SIN3A: variants seen among roughly 807,000 people sequenced by gnomAD.
The protein encoded by SIN3A is SIN3 transcription regulator family member A.
A neutral mutation model predicts 146.1 loss-of-function variants in SIN3A; 14 were observed. The ratio of observed to expected loss-of-function variants is 0.10; its 90% CI spans 0.06 to 0.15. The LOEUF is 0.15. SIN3A is among the 10% of genes least tolerant of loss of function. SIN3A has a pLI of 1.00. For missense variants in SIN3A, 1,028 were observed against 1,576.0 expected, an observed-to-expected ratio of 0.65 and a Z score of 5.89; for synonymous variants, 572 against 572.0, an observed-to-expected ratio of 1.00 and a Z score of 0.00.
intron 3 of SIN3A, among the ~76,000 whole-genome samples, chr15:75,418,786 G>C (rs1316377446): frequency 6.7e-6 from 1 of 150,146 alleles, no homozygotes; most frequent in Non-Finnish European, 1.5e-5. Flanking sequence ...ACAGAGTCTC[G>C]CTCTATCGCC....
intron 10 of SIN3A, among the ~76,000 whole-genome samples, chr15:75,401,632 C>A (rs140948689): frequency 1.3e-5 from 2 of 152,270 alleles, no homozygotes; most frequent in African/African-American, 2.4e-5. Context: ...GATCAGGAGA[C>A]CACTAGTCTT....
At chr15:75,380,756 G>T (rs781163326) in intron 18 of SIN3A, 33 bp from the exon 19 acceptor site, 1 of 1,523,306 alleles carries the variant, frequency 6.6e-7, no homozygotes, top group Non-Finnish European at 9.1e-7. Flanking sequence ...CAGGTGGAAG[G>T]AAATCACAAA....
intron 1 of SIN3A, among the ~76,000 whole-genome samples, chr15:75,441,032 G>A (rs2141610458): frequency 6.6e-6 from 1 of 151,686 alleles, no homozygotes; most frequent in East Asian, 1.9e-4. Context: ...GGTTGGCCAG[G>A]TGCAGTGGCT....
At chr15:75,379,819 T>C (rs990067341) in intron 19 of SIN3A, among the ~76,000 whole-genome samples, 40 of 152,248 alleles carry the variant, frequency 2.6e-4, no homozygotes, top group Admixed American at 2.0e-3. Context: ...AGTATCACAA[T>C]CTGCCTATAC....
chr15:75,393,212 GA>G (rs1375389766), intron 14 of SIN3A, among the ~76,000 whole-genome samples: 1 of 152,180 alleles, frequency 6.6e-6, no homozygotes, highest in Non-Finnish European at 1.5e-5. Context: ...CTGGGCAACA[GA>G]GTGAGACTCT....
At chr15:75,403,737 G>A (rs1694089755) in intron 9 of SIN3A, among the ~76,000 whole-genome samples, 1 of 151,868 alleles carries the variant, frequency 6.6e-6, no homozygotes, top group Non-Finnish European at 1.5e-5. Context: ...GTAGAGACGG[G>A]GTTTCACCAT....
intron 2 of SIN3A, among the ~76,000 whole-genome samples, chr15:75,426,978 T>C (rs997488916): frequency 1.3e-5 from 2 of 151,966 alleles, no homozygotes; most frequent in Admixed American, 1.3e-4. Flanking sequence ...ATAGATGAGC[T>C]TGTATATGCA....
At chr15:75,441,036 A>G (rs1266147525) in intron 1 of SIN3A, among the ~76,000 whole-genome samples, 1 of 151,364 alleles carries the variant, frequency 6.6e-6, no homozygotes, top group Non-Finnish European at 1.5e-5. Flanking sequence ...GGCCAGGTGC[A>G]GTGGCTCACG....
intron 1 of SIN3A, among the ~76,000 whole-genome samples, chr15:75,445,759 G>GAAAAAAAAAAAA (rs774883850): frequency 5.8e-5 from 5 of 86,354 alleles, no homozygotes; most frequent in East Asian, 3.4e-4. Context: ...TCAAAAAAAA[G>GAAAAAAAAAAAA]AAAAAAAAAA....
At chr15:75,446,135 G>A (rs560074489) in intron 1 of SIN3A, 1 of 152,212 alleles carries the variant, frequency 6.6e-6, no homozygotes, top group Non-Finnish European at 1.5e-5. Context: ...AATAGACAAA[G>A]TATAATATTT....
At chr15:75,438,362 G>A (rs755558224) in intron 1 of SIN3A, among the ~76,000 whole-genome samples, 3 of 138,800 alleles carry the variant, frequency 2.2e-5, no homozygotes, top group Admixed American at 7.2e-5. Flanking sequence ...AAGGCTCTCC[G>A]TCTCAAAAAA....
rs542955316 is a variant in SIN3A, at chr15:75,423,583, C to A, written c.190-760G>T. The stretch of plus-strand genomic sequence containing the variant: ...GTCCCAGCTACTCGGGAGGCTGAGG[C>A]AGGAGAATAGCGTGAACCCAGGAGG... On this transcript the variant is annotated intron_variant, in intron 2 of 20. Transcript: ENST00000394947. 1.9e-4 allele frequency among the ~76,000 whole-genome samples: 29 copies of A among 152,216 alleles called. 1 individual carries two copies. The South Asian group carries it at 5.8e-3, about 30-fold the overall frequency.
In SIN3A at chr15:75,400,847, C is replaced by A. The variant is rs1190617452; in HGVS notation, c.1620G>T (p.Glu540Asp). 6.2e-7 allele frequency: 1 copy of A among 1,614,184 alleles called. No individual in the cohort carries two copies. Among genetic ancestry groups the A allele is most frequent in the South Asian group, 1.1e-5 (1 of 91,086 alleles). The change falls in exon 11 of 21, where the codon GAG (glutamate) becomes GAT (aspartate). Residue 540 changes from glutamate (E) to aspartate (D), a missense_variant. Physicochemically the swap from Glu to Asp is conservative, Grantham distance 45 (BLOSUM62 2). Transcript: ENST00000394947. ...LETYPKERAT[E>D]GIAMEIDYAS... ...CATAATCTATCTCCATAGCAATGCC[C>A]TCTGTGGCTCGCTCCTTTGGATAAG...
intron 2 of SIN3A, 122 bp from the exon 3 acceptor site, chr15:75,422,945 G>A (rs752037037): frequency 4.1e-6 from 4 of 967,342 alleles, no homozygotes; most frequent in African/African-American, 3.3e-5. Context: ...TCTGCTGGGC[G>A]TGATGGCTCA....
chr15:75,442,141 A>C (rs1339021290), intron 1 of SIN3A, among the ~76,000 whole-genome samples: 7 of 149,072 alleles, frequency 4.7e-5, no homozygotes, highest in Non-Finnish European at 7.4e-5. Context: ...AAAAAAAAAA[A>C]AAAAAAAAAA....
intron 19 of SIN3A, 98 bp downstream of exon 19, chr15:75,380,531 A>G: frequency 2.2e-6 from 2 of 910,418 alleles, no homozygotes; most frequent in Non-Finnish European, 3.6e-6. Context: ...GAACAAATGA[A>G]TAAAATATGT....
intron 12 of SIN3A, among the ~76,000 whole-genome samples, chr15:75,398,315 T>C (rs921463613): frequency 3.3e-5 from 5 of 152,240 alleles, no homozygotes; most frequent in African/African-American, 7.2e-5. Context: ...TCTCCTGATA[T>C]AGGTGGTATG....
At chr15:75,410,366 G>T (rs1173216408) in intron 6 of SIN3A, 80 bp from the exon 7 acceptor site, 4 of 1,384,220 alleles carry the variant, frequency 2.9e-6, no homozygotes, top group Non-Finnish European at 4.0e-6. Flanking sequence ...TGGAATCACT[G>T]TTATCTATTT....
intron 2 of SIN3A, among the ~76,000 whole-genome samples, chr15:75,424,752 C>T (rs538406356): frequency 3.9e-5 from 6 of 152,172 alleles, no homozygotes; most frequent in Admixed American, 1.3e-4. Context: ...GGGTTATAGA[C>T]GTAAGCCACT....
Sources: allele counts gnomAD v4.1 joint callset (sites outside exome capture counted in the v4.1 genomes callset), GRCh38; gene constraint gnomAD v4.1.1; transcripts MANE v1.5; gene names NCBI Gene and HGNC (gene_info 2026-07-23, HGNC 2026-07-21).